C3orf22: variants seen among roughly 807,000 people sequenced by gnomAD.
C3orf22 encodes uncharacterized protein C3orf22.
Under a neutral mutation model 10.8 loss-of-function variants are expected in C3orf22, and 7 were observed. The ratio of observed to expected loss-of-function variants is 0.65; its 90% CI spans 0.37 to 1.22. The LOEUF (loss-of-function observed/expected upper bound fraction) is 1.22. Ranked by LOEUF, C3orf22 falls within the 50% of genes most tolerant of loss-of-function variation. The probability of loss-of-function intolerance (pLI) is 0.02; values close to 1 mark genes in which losing one functional copy is unlikely to be tolerated. For missense variants in C3orf22, 173 were observed against 177.0 expected (o/e 0.98, Z 0.13); for synonymous variants, 79 against 78.9 (o/e 1.00, Z 0.00).
Position 126,542,454 on chromosome 3 carries a change from G to A in C3orf22, c.286+7083C>T. The stretch of plus-strand genomic sequence containing the variant: ...CGGCCCCGGGGAGCCGCCGCCTCCC[G>A]CGACCTGGCAGCGCGCCTCTTCCGG... On this transcript the variant is annotated intron_variant and NMD_transcript_variant, in intron 4 of 5. Coordinates refer to the C3orf22 transcript ENST00000505070. 4 of 1,568,318 alleles carry A rather than the reference G, an allele frequency of 2.6e-6. 1 individual carries two copies. The highest frequency in any genetic ancestry group is 3.4e-4 in the Middle Eastern group (2 of 5,964).
At chr3:126,534,118 G>T (rs1159675266) in intron 4 of C3orf22, among the ~76,000 whole-genome samples, 1 of 151,936 alleles carries the variant, frequency 6.6e-6, no homozygotes, top group Non-Finnish European at 1.5e-5. Flanking sequence ...TTTTCTCCTA[G>T]GTCAGTCTAG....
At chr3:126,528,959 G>C (rs1334253940) in intron 5 of C3orf22, among the ~76,000 whole-genome samples, 1 of 152,238 alleles carries the variant, frequency 6.6e-6, no homozygotes, top group Non-Finnish European at 1.5e-5. Flanking sequence ...GGCCACGTGG[G>C]AACCTATGCC....
At chr3:126,552,604 C>T (rs1011660870) in intron 2 of C3orf22, among the ~76,000 whole-genome samples, 1 of 152,216 alleles carries the variant, frequency 6.6e-6, no homozygotes, top group Non-Finnish European at 1.5e-5. Context: ...AGCTCATCGT[C>T]CCCACCTCCC....
chr3:126,532,726 TG>T (rs1367216941), intron 4 of C3orf22, among the ~76,000 whole-genome samples: 5 of 152,242 alleles, frequency 3.3e-5, no homozygotes, highest in African/African-American at 1.2e-4. Flanking sequence ...TGTTCTTTTT[TG>T]AGATTCTTTT....
intron 5 of C3orf22, among the ~76,000 whole-genome samples, chr3:126,528,964 T>C (rs991202018): frequency 1.3e-5 from 2 of 152,230 alleles, no homozygotes; most frequent in African/African-American, 4.8e-5. Flanking sequence ...CGTGGGAACC[T>C]ATGCCTGCTG....
chr3:126,534,387 A>G (rs565832824), intron 4 of C3orf22, among the ~76,000 whole-genome samples: 32 of 149,026 alleles, frequency 2.1e-4, no homozygotes, highest in Non-Finnish European at 3.7e-4. Context: ...GCAGTGCAGC[A>G]AGGAGACAGA....
intron 1 of C3orf22, among the ~76,000 whole-genome samples, chr3:126,554,234 C>T (rs1014757395): frequency 1.8e-4 from 27 of 147,354 alleles, no homozygotes; most frequent in Non-Finnish European, 3.4e-4. Context: ...GCTGTACATA[C>T]ATTTTTTGTT....
chr3:126,534,416 C>A (rs1460925754), intron 4 of C3orf22, among the ~76,000 whole-genome samples: 1 of 152,128 alleles, frequency 6.6e-6, no homozygotes, highest in Admixed American at 6.5e-5. Context: ...CAGACAGCAT[C>A]CCTGTCCTCA....
intron 4 of C3orf22, among the ~76,000 whole-genome samples, chr3:126,537,930 G>A (rs1306178406): frequency 6.6e-6 from 1 of 152,188 alleles, no homozygotes; most frequent in Non-Finnish European, 1.5e-5. Flanking sequence ...ACTAGAGCCA[G>A]CAAGGAATCC....
intron 1 of C3orf22, among the ~76,000 whole-genome samples, chr3:126,557,178 G>A (rs988120327): frequency 2.0e-5 from 3 of 152,198 alleles, no homozygotes; most frequent in African/African-American, 7.2e-5. Context: ...ACACAGGCAG[G>A]TGGCCATCTG....
chr3:126,547,681 G>A (rs1937091930), downstream of C3orf22, among the ~76,000 whole-genome samples: 1 of 152,208 alleles, frequency 6.6e-6, no homozygotes. Context: ...AACCTGGAGA[G>A]GCTGGGAACT....
At chr3:126,549,006 T>C (rs1937116515), downstream of C3orf22, among the ~76,000 whole-genome samples, 1 of 152,194 alleles carries the variant, frequency 6.6e-6, no homozygotes, top group South Asian at 2.1e-4. Flanking sequence ...TAGAACACAG[T>C]GGGGGGACCC....
intron 1 of C3orf22, among the ~76,000 whole-genome samples, chr3:126,555,616 T>C (rs1312662949): frequency 6.6e-6 from 1 of 152,192 alleles, no homozygotes; most frequent in East Asian, 1.9e-4. Context: ...AGCTCATCCC[T>C]GATGATCTGA....
At position 126,537,454 on chromosome 3, in the gene C3orf22, G is replaced by A. The variant is rs1241928921; in HGVS notation, c.287-8082C>T. Among the ~76,000 whole-genome samples the A allele has an allele frequency of 2.0e-5, 3 of 152,194 alleles. 1 individual carries two copies. The highest frequency in any genetic ancestry group is 6.5e-5 in the Admixed American group (1 of 15,288). ...GGTATCCCTACTGCTGTGTAGAGAA[G>A]GATCAGGGTGGTGTTGGGTAGGTGG... is the stretch of plus-strand genomic sequence containing the variant. On this transcript the variant is annotated intron_variant and NMD_transcript_variant, in intron 4 of 5. Transcript: ENST00000505070.
At chr3:126,551,868 G>T in intron 3 of C3orf22, 129 bp downstream of exon 3, 1 of 1,048,766 alleles carries the variant, frequency 9.5e-7, no homozygotes, top group Non-Finnish European at 1.4e-6. Context: ...CTCTGCCTCA[G>T]TTTCCTCAGC....
At chr3:126,556,107 A>G (rs1186497884) in intron 1 of C3orf22, among the ~76,000 whole-genome samples, 1 of 152,222 alleles carries the variant, frequency 6.6e-6, no homozygotes, top group African/African-American at 2.4e-5. Context: ...GGGAGCCTGC[A>G]TGCCAGTGAG....
rs748830238 is a variant in C3orf22, at chr3:126,553,363, G to T, written c.28C>A (p.His10Asn). 8 of 1,613,716 alleles carry T rather than the reference G, an allele frequency of 5.0e-6. No individual in the cohort carries two copies. Among genetic ancestry groups the T allele is most frequent in the Non-Finnish European group, 6.8e-6 (8 of 1,179,846 alleles). Residue 10 changes from histidine (H) to asparagine (N), a missense_variant, in exon 2 of 4, where the codon CAC becomes AAC. Coordinates refer to ENST00000318225, the MANE Select transcript of C3orf22 (RefSeq NM_152533.3). ...TGGATCCTCCACTTCTTACTCTGGT[G>T]AGACTTCTTGCAGGCACTGGAGTCC... MDSSACKKS[H>N]QSKKWRIQAQ...
At chr3:126,527,099 C>G (rs1370310903) in exon 6 of C3orf22, 2 of 152,344 alleles carry the variant, frequency 1.3e-5, no homozygotes, top group Non-Finnish European at 2.9e-5. Context: ...CCCCCTTCCC[C>G]TATTCCACTC....
chr3:126,533,805 C>A (rs1200503579), intron 4 of C3orf22, among the ~76,000 whole-genome samples: 1 of 152,044 alleles, frequency 6.6e-6, no homozygotes, highest in Non-Finnish European at 1.5e-5. Flanking sequence ...GGTGTTAATT[C>A]TTTAAACATT....
Sources: gnomAD v4.1 joint callset for allele counts (sites outside exome capture counted in the v4.1 genomes callset) on GRCh38, gnomAD v4.1.1 for gene constraint, MANE v1.5 for transcripts, NCBI Gene and HGNC (gene_info 2026-07-23, HGNC 2026-07-21) for gene names.